Variants in SBF2 observed in about 807,000 individuals in gnomAD.
SBF2 encodes the protein SET binding factor 2, also known as myotubularin-related protein 13.
SBF2 carries 112 observed loss-of-function variants against 225.2 expected under a neutral mutation model. The observed-to-expected ratio is 0.50, with a 90% CI of 0.43 to 0.58. SBF2 has a LOEUF of 0.58. SBF2 is among the 20% of genes least tolerant of loss of function. The probability of loss-of-function intolerance (pLI) is 0.00; values close to 1 mark genes in which losing one functional copy is unlikely to be tolerated. For synonymous variants in SBF2, 763 were observed against 773.3 expected, an observed-to-expected ratio of 0.99 and a Z score of 0.22; for missense variants, 1,996 against 2,206.2, an observed-to-expected ratio of 0.90 and a Z score of 1.91.
chr11:9,812,056 T>C (rs1399916826), intron 30 of SBF2, among the ~76,000 whole-genome samples: 3 of 151,808 alleles, frequency 2.0e-5, no homozygotes, highest in African/African-American at 7.3e-5. Flanking sequence ...AAGCCTTAGG[T>C]AGGCTTGGGG....
chr11:10,166,442 C>A lies in SBF2; in HGVS notation c.141+27460G>T, dbSNP rs530005837. On this transcript the variant is annotated intron_variant, in intron 2 of 39. Transcript: ENST00000256190. ...CCTTTTTATACAAATAACTGTCAAGCGGGGGTGGGCAGGGGAAGGGACCAC... is the reference window on the plus strand; with the variant it reads ...CCTTTTTATACAAATAACTGTCAAGAGGGGGTGGGCAGGGGAAGGGACCAC... 3.8e-3 allele frequency among the ~76,000 whole-genome samples: 581 copies of A among 151,622 alleles called. 4 individuals are homozygous for A. Among genetic ancestry groups the A allele is most frequent in the South Asian group, 5.5e-3 (26 of 4,746 alleles).
chr11:9,790,755 G>A (rs1476782953), intron 33 of SBF2, 72 bp from the exon 34 acceptor site: 17 of 1,172,410 alleles, frequency 1.5e-5, no homozygotes, highest in Admixed American at 2.0e-5. Context: ...TATGATGCAT[G>A]CAGCAGATAA....
At chr11:10,230,071 C>T (rs1266014519) in intron 1 of SBF2, among the ~76,000 whole-genome samples, 2 of 152,076 alleles carry the variant, frequency 1.3e-5, no homozygotes, top group Non-Finnish European at 2.9e-5. Flanking sequence ...TATGTAATGG[C>T]CTTCTTTGTC....
At chr11:9,878,128 T>C (rs1379003114) in intron 17 of SBF2, among the ~76,000 whole-genome samples, 1 of 152,248 alleles carries the variant, frequency 6.6e-6, no homozygotes, top group Non-Finnish European at 1.5e-5. Context: ...GGTTTTGATT[T>C]GCATTTCTCT....
chr11:10,070,095 A>G (rs1416119083), intron 2 of SBF2, among the ~76,000 whole-genome samples: 2 of 152,050 alleles, frequency 1.3e-5, no homozygotes, highest in African/African-American at 2.4e-5. Context: ...TTTTTCTCCC[A>G]TTCTGTAGGT....
intron 1 of SBF2, among the ~76,000 whole-genome samples, chr11:10,195,307 CACT>C (rs1360413913): frequency 2.0e-5 from 3 of 152,190 alleles, no homozygotes; most frequent in Non-Finnish European, 2.9e-5. Context: ...AGATCTCTAT[CACT>C]GTTGTTATAA....
At chr11:10,286,019 G>GA (rs1963746116) in intron 1 of SBF2, among the ~76,000 whole-genome samples, 1 of 151,916 alleles carries the variant, frequency 6.6e-6, no homozygotes, top group Non-Finnish European at 1.5e-5. Context: ...TTTTTTTGGA[G>GA]AAAAAAGCCT....
chr11:10,079,924 T>C (rs543242725), intron 2 of SBF2, among the ~76,000 whole-genome samples: 29 of 151,892 alleles, frequency 1.9e-4, no homozygotes, highest in Middle Eastern at 3.4e-3. Flanking sequence ...GCCAGAGAGA[T>C]TGAGATTCTA....
intron 16 of SBF2, among the ~76,000 whole-genome samples, chr11:9,934,111 A>T (rs1396852381): frequency 6.6e-6 from 1 of 150,734 alleles, no homozygotes; most frequent in African/African-American, 2.4e-5. Context: ...AAACATAAAA[A>T]ATGATAAAGG....
chr11:10,290,857 C>T (rs1375712569), intron 1 of SBF2, among the ~76,000 whole-genome samples: 1 of 152,100 alleles, frequency 6.6e-6, no homozygotes, highest in Non-Finnish European at 1.5e-5. Context: ...ATTAACAGGA[C>T]CTGGAAGGAG....
intron 1 of SBF2, among the ~76,000 whole-genome samples, chr11:10,244,977 CA>C (rs1959626359): frequency 6.6e-6 from 1 of 150,924 alleles, no homozygotes; most frequent in South Asian, 2.1e-4. Flanking sequence ...TCTACAAACA[CA>C]AAAAAATTAG....
At chr11:10,241,022 T>A (rs181423584) in intron 1 of SBF2, among the ~76,000 whole-genome samples, 1 of 152,116 alleles carries the variant, frequency 6.6e-6, no homozygotes, top group African/African-American at 2.4e-5. Context: ...CAGATTAGAG[T>A]GCTTAAAAAA....
rs2134469478 is a variant in SBF2 at position 9,992,412 on chromosome 11, T to C, written c.1296+3A>G. 1.2e-6 allele frequency: 2 copies of C among 1,611,940 alleles called. No homozygotes were observed. The highest frequency in any genetic ancestry group is 1.7e-4 in the Middle Eastern group (1 of 6,054). On this transcript the variant is annotated splice_donor_region_variant and intron_variant, in intron 12 of 39. Transcript: ENST00000256190. The stretch of plus-strand genomic sequence containing the variant: ...TAATGCCTTCATTTAATAAGAGCTA[T>C]ACCTCATCAAAGAGATCACAAGATC...
At chr11:10,131,755 T>C (rs1954066655) in intron 2 of SBF2, among the ~76,000 whole-genome samples, 2 of 152,120 alleles carry the variant, frequency 1.3e-5, no homozygotes, top group Non-Finnish European at 2.9e-5. Flanking sequence ...GAGTTCTTTA[T>C]CTATTCTATA....
At chr11:10,210,379 G>C (rs927848777) in intron 1 of SBF2, among the ~76,000 whole-genome samples, 7 of 151,172 alleles carry the variant, frequency 4.6e-5, no homozygotes, top group African/African-American at 1.7e-4. Flanking sequence ...GAGAGGAGGA[G>C]GAGGAAGAGA....
In SBF2 at chr11:9,998,308, G is replaced by C. The variant is rs750883691; in HGVS notation, c.933C>G (p.Leu311=). ...KIPECIHLSS[L]PEPLLHQTQS... Reference sequence around the variant, plus strand: ...GAGTCTGATGTAGAAGTGGTTCTGGGAGGGAAGAGAGGTGAATACATTCGG... The same window carrying C: ...GAGTCTGATGTAGAAGTGGTTCTGGCAGGGAAGAGAGGTGAATACATTCGG... The change falls in exon 9 of 40, where the codon CTC becomes CTG. Residue 311 remains leucine (L), a synonymous_variant. Coordinates refer to ENST00000256190, the MANE Select transcript of SBF2 (RefSeq NM_030962.4). 1 of 1,608,942 alleles carries C rather than the reference G, an allele frequency of 6.2e-7. No homozygotes were observed. The highest frequency in any genetic ancestry group is 1.1e-5 in the South Asian group (1 of 90,872).
chr11:10,063,858 C>CACAGAGAGAGAGAGAGAGAGAGAG (rs373423157), intron 2 of SBF2, among the ~76,000 whole-genome samples: 142 of 136,198 alleles, frequency 1.0e-3, no homozygotes, highest in Admixed American at 4.2e-3. Flanking sequence ...CACACACACA[C>CACAGAGAGAGAGAGAGAGAGAGAG]AGAGAGAGAG....
At chr11:9,930,906 C>T (rs1405526459) in intron 16 of SBF2, among the ~76,000 whole-genome samples, 2 of 152,252 alleles carry the variant, frequency 1.3e-5, no homozygotes, top group African/African-American at 2.4e-5. Context: ...AAATACTGCA[C>T]TTTTACCAAG....
chr11:10,283,378 T>C (rs1405892728), intron 1 of SBF2, among the ~76,000 whole-genome samples: 2 of 152,170 alleles, frequency 1.3e-5, no homozygotes, highest in Non-Finnish European at 2.9e-5. Context: ...TAATCAATTA[T>C]CAATTTTTAC....
Sources: gnomAD v4.1 joint callset for allele counts (sites outside exome capture counted in the v4.1 genomes callset) on GRCh38, gnomAD v4.1.1 for gene constraint, MANE v1.5 for transcripts, NCBI Gene and HGNC (gene_info 2026-07-23, HGNC 2026-07-21) for gene names.